STPG2: variants seen among roughly 807,000 people sequenced by gnomAD.
STPG2 encodes the protein sperm-tail PG-rich repeat-containing protein 2.
A neutral mutation model predicts 54.2 loss-of-function variants in STPG2; 56 were observed. The observed-to-expected ratio is 1.03, with a 90% CI of 0.83 to 1.29. STPG2 has a LOEUF of 1.29. Among genes scored for constraint, STPG2 ranks in the 50% most tolerant of loss-of-function variants. The probability of loss-of-function intolerance (pLI) is 0.00; values close to 1 mark genes in which losing one functional copy is unlikely to be tolerated. For synonymous variants in STPG2, 200 were observed against 181.8 expected (o/e 1.10, Z -0.81); for missense variants, 596 against 544.9 (o/e 1.09, Z -0.93).
intron 10 of STPG2, among the ~76,000 whole-genome samples, chr4:97,625,411 G>C (rs1483765038): frequency 6.6e-6 from 1 of 152,176 alleles, no homozygotes; most frequent in Non-Finnish European, 1.5e-5. Context: ...CTGGGTTCAA[G>C]CAATTCTTCT....
intron 5 of STPG2, among the ~76,000 whole-genome samples, chr4:98,035,773 A>T (rs1029233518): frequency 1.3e-5 from 2 of 152,200 alleles, no homozygotes; most frequent in Admixed American, 1.3e-4. Context: ...GCCATAAAAA[A>T]GGATGAGTTC....
intron 1 of STPG2, among the ~76,000 whole-genome samples, chr4:98,135,130 G>A (rs1740103388): frequency 6.6e-6 from 1 of 151,850 alleles, no homozygotes; most frequent in African/African-American, 2.4e-5. Flanking sequence ...TCAAAGAAGA[G>A]ATGGGAGAGA....
At chr4:97,976,968 A>G (rs1734519380) in intron 6 of STPG2, among the ~76,000 whole-genome samples, 1 of 152,202 alleles carries the variant, frequency 6.6e-6, no homozygotes, top group Non-Finnish European at 1.5e-5. Flanking sequence ...TCAAAATCAA[A>G]GCTGTTGGAA....
intron 5 of STPG2, among the ~76,000 whole-genome samples, chr4:98,092,480 T>C (rs1341832134): frequency 1.3e-5 from 2 of 152,022 alleles, no homozygotes; most frequent in Non-Finnish European, 2.9e-5. Flanking sequence ...AGTAACCAGA[T>C]AATTTAATAA....
chr4:98,010,628 C>A (rs1422258816), intron 5 of STPG2, among the ~76,000 whole-genome samples: 1 of 152,144 alleles, frequency 6.6e-6, no homozygotes, highest in Non-Finnish European at 1.5e-5. Context: ...AATACTCTTA[C>A]ATTTAAAGTA....
At position 98,021,274 on chromosome 4, in the gene STPG2, T is replaced by C. The variant is rs13147957; in HGVS notation, c.613-39956A>G. 1.8e-5 allele frequency among the ~76,000 whole-genome samples: 2 copies of C among 113,438 alleles called. 1 individual carries two copies. The highest frequency in any genetic ancestry group is 3.9e-5 in the Non-Finnish European group (2 of 51,536). The allele number at this position is 113,438 out of a possible 152,430, so 74.4% of individuals were successfully genotyped here. A position where few individuals can be genotyped will look rare whatever the true frequency, so the allele number is the denominator to read the frequency against. ...TTCATTTCTGCCTTCATTTTGTTATTTACCCAGTAGTCATTCAGGAGCAGG... is the reference window on the plus strand; with the variant it reads ...TTCATTTCTGCCTTCATTTTGTTATCTACCCAGTAGTCATTCAGGAGCAGG... On this transcript the variant is annotated intron_variant, in intron 5 of 10. Transcript: ENST00000295268.
chr4:97,561,057 A>C (rs1732221182), intron 10 of STPG2, among the ~76,000 whole-genome samples: 1 of 152,086 alleles, frequency 6.6e-6, no homozygotes, highest in Admixed American at 6.5e-5. Flanking sequence ...ACTAGTTTAC[A>C]GTCCCACCAA....
intron 8 of STPG2, among the ~76,000 whole-genome samples, chr4:97,895,922 A>C (rs1409791741): frequency 6.6e-6 from 1 of 151,836 alleles, no homozygotes; most frequent in African/African-American, 2.4e-5. Flanking sequence ...TAATTTCACA[A>C]GTTCCCAGAT....
chr4:97,883,591 G>GA (rs568286055), intron 8 of STPG2, among the ~76,000 whole-genome samples: 58 of 151,894 alleles, frequency 3.8e-4, no homozygotes, highest in Admixed American at 2.4e-3. Context: ...TGTTAGAAAT[G>GA]AAAAAAACAG....
intron 7 of STPG2, among the ~76,000 whole-genome samples, chr4:97,945,507 G>A (rs552417771): frequency 1.3e-5 from 2 of 152,016 alleles, no homozygotes; most frequent in African/African-American, 4.8e-5. Context: ...TGTGAATTTG[G>A]CTACAATAAA....
chr4:97,503,793 AAATAT>A (rs1274038258), intron 4 of STPG2, among the ~76,000 whole-genome samples: 5 of 143,068 alleles, frequency 3.5e-5, no homozygotes, highest in Admixed American at 2.9e-4. Context: ...ATATTCATAT[AAATAT>A]ATTTTAAAAA....
At chr4:97,566,273 T>A (rs915987853) in intron 10 of STPG2, among the ~76,000 whole-genome samples, 1 of 152,220 alleles carries the variant, frequency 6.6e-6, no homozygotes, top group Non-Finnish European at 1.5e-5. Context: ...GTGCACCATT[T>A]TTTAAGCCCG....
intron 9 of STPG2, among the ~76,000 whole-genome samples, chr4:97,776,523 G>A (rs1305700330): frequency 1.3e-5 from 2 of 152,092 alleles, no homozygotes; most frequent in African/African-American, 4.8e-5. Flanking sequence ...CTATAAAGAG[G>A]CTATTCTCTA....
intron 10 of STPG2, among the ~76,000 whole-genome samples, chr4:97,648,517 G>A (rs1324062971): frequency 6.6e-6 from 1 of 152,100 alleles, no homozygotes; most frequent in Non-Finnish European, 1.5e-5. Context: ...TATGCTTAAG[G>A]TATGCTGAAC....
intron 8 of STPG2, among the ~76,000 whole-genome samples, chr4:97,921,069 A>G (rs897257398): frequency 3.9e-5 from 6 of 152,212 alleles, no homozygotes; most frequent in Admixed American, 2.6e-4. Flanking sequence ...ATAATAAAAG[A>G]TGCATTGAGG....
At chr4:97,860,186 C>T (rs1017969024) in intron 8 of STPG2, among the ~76,000 whole-genome samples, 1 of 152,096 alleles carries the variant, frequency 6.6e-6, no homozygotes, top group Non-Finnish European at 1.5e-5. Context: ...GTTCCTTTTT[C>T]TTAGCCTTGT....
At chr4:97,585,049 G>C (rs958469434) in intron 10 of STPG2, among the ~76,000 whole-genome samples, 6 of 102,766 alleles carry the variant, frequency 5.8e-5, no homozygotes, top group African/African-American at 2.0e-4. Flanking sequence ...AACCAGGAAA[G>C]GACATAAAAG....
chr4:97,926,686 T>G (rs1732343547), intron 8 of STPG2, among the ~76,000 whole-genome samples: 1 of 152,154 alleles, frequency 6.6e-6, no homozygotes, highest in Admixed American at 6.5e-5. Context: ...AAGATGAGTT[T>G]CACTTTCAAG....
At chr4:97,784,094 G>C (rs921015730) in intron 9 of STPG2, among the ~76,000 whole-genome samples, 2 of 147,812 alleles carry the variant, frequency 1.4e-5, no homozygotes, top group African/African-American at 5.0e-5. Context: ...AAAAGAAAAA[G>C]GAAATCAGAA....
Sources: allele counts gnomAD v4.1 joint callset (sites outside exome capture counted in the v4.1 genomes callset), GRCh38; gene constraint gnomAD v4.1.1; transcripts MANE v1.5; gene names NCBI Gene and HGNC (gene_info 2026-07-23, HGNC 2026-07-21).